The following HSF2BP variants were observed in gnomAD, a reference collection of about 807,000 sequenced individuals.
HSF2BP encodes the protein heat shock transcription factor 2 binding protein, also known as heat shock factor 2-binding protein.
A neutral mutation model predicts 35.0 loss-of-function variants in HSF2BP; 35 were observed. The observed-to-expected ratio is 1.00, with a 90% confidence interval of 0.76 to 1.32. The LOEUF (loss-of-function observed/expected upper bound fraction) is 1.32. HSF2BP is among the 40% of genes most tolerant of loss of function. The probability of loss-of-function intolerance (pLI) is 0.00; values close to 1 mark genes in which losing one functional copy is unlikely to be tolerated. For synonymous variants in HSF2BP, 114 were observed against 117.4 expected (o/e 0.97, Z 0.18); for missense variants, 326 against 321.7 (o/e 1.01, Z -0.10).
chr21:43,605,636 A>T (rs1470619329), intron 7 of HSF2BP, among the ~76,000 whole-genome samples: 1 of 149,608 alleles, frequency 6.7e-6, no homozygotes, highest in African/African-American at 2.5e-5. Context: ...CACCATGCAT[A>T]CCACACCCAC....
rs529882595 is a variant in HSF2BP, at chr21:43,615,286, A to G, written c.575-1339T>C. Among the ~76,000 whole-genome samples the G allele has an allele frequency of 3.3e-5, 5 of 152,328 alleles. 1 individual carries two copies. In the East Asian group the frequency reaches 9.6e-4, roughly 29 times the overall value. On this transcript the variant is annotated intron_variant, in intron 6 of 8. Transcript: ENST00000291560. ...TTCTAAAAATTCACAGTTAAGTGTG[A>G]TGTCTGATCTGTTTCTGGTAGATAC...
chr21:43,654,227 G>A (rs999234163), intron 3 of HSF2BP, among the ~76,000 whole-genome samples: 2 of 152,054 alleles, frequency 1.3e-5, no homozygotes, highest in East Asian at 1.9e-4. Context: ...TCCCAGACTC[G>A]CACAAATTTT....
Position 43,656,591 on chromosome 21 carries a change from T to TAGG in HSF2BP, c.182_183insCCT (p.Glu61delinsAspLeu), listed in dbSNP as rs770483652. 6.2e-7 allele frequency: 1 copy of TAGG among 1,606,064 alleles called. No individual in the cohort carries two copies. The highest frequency in any genetic ancestry group is 1.3e-5 in the African/African-American group (1 of 74,570). ...CTGCTGAAAATGAAGACTCACTTTTTTCTACAATCTTTAATTTCTGGAAGC... is the reference window on the plus strand; with the variant it reads ...CTGCTGAAAATGAAGACTCACTTTTTAGGTCTACAATCTTTAATTTCTGGAAGC... On this transcript the variant is annotated protein_altering_variant, in exon 3 of 9. Transcript: ENST00000291560.
At chr21:43,467,935 ACACACACACCACACACACCACACT>A in the HSF2BP span, among the ~76,000 whole-genome samples, 1 of 71,510 alleles carries the variant, frequency 1.4e-5, no homozygotes, top group African/African-American at 7.2e-5. Context: ...CACACACCAC[ACACACACACCACACACACCACACT>A]TACACCACAC....
At chr21:43,610,875 G>C (rs984156895) in intron 7 of HSF2BP, among the ~76,000 whole-genome samples, 3 of 152,012 alleles carry the variant, frequency 2.0e-5, no homozygotes, top group Non-Finnish European at 4.4e-5. Flanking sequence ...TGCTCACTAC[G>C]GCATTATATT....
chr21:43,604,363 A>G (rs1222133301), intron 7 of HSF2BP, among the ~76,000 whole-genome samples: 1 of 139,728 alleles, frequency 7.2e-6, no homozygotes, highest in African/African-American at 2.7e-5. Flanking sequence ...CACACACACC[A>G]CACAGCACGC....
At chr21:43,496,215 C>T in the HSF2BP span, among the ~76,000 whole-genome samples, 2 of 112,440 alleles carry the variant, frequency 1.8e-5, no homozygotes, top group Non-Finnish European at 3.9e-5. Context: ...AGCATACAAA[C>T]TCAACCTGCA....
intron 7 of HSF2BP, among the ~76,000 whole-genome samples, chr21:43,601,195 C>T (rs1437747915): frequency 6.6e-6 from 1 of 152,164 alleles, no homozygotes; most frequent in African/African-American, 2.4e-5. Context: ...TGTGCAGACA[C>T]AGCCTCCACA....
At chr21:43,628,272 C>T (rs978241207) in intron 6 of HSF2BP, among the ~76,000 whole-genome samples, 5 of 152,334 alleles carry the variant, frequency 3.3e-5, no homozygotes, top group African/African-American at 1.2e-4. Flanking sequence ...CAAGTTATGA[C>T]TGCAAATGCA....
rs144385355 is a variant in HSF2BP, at chr21:43,633,301, C to G, written c.412G>C (p.Glu138Gln). 1.2e-6 allele frequency: 2 copies of G among 1,613,084 alleles called. No individual in the cohort carries two copies. The highest frequency in any genetic ancestry group is 2.7e-5 in the African/African-American group (2 of 74,870). The change falls in exon 5 of 9, where the codon GAG becomes CAG. Residue 138 changes from glutamate (E) to glutamine (Q), a missense_variant. Coordinates refer to ENST00000291560, the MANE Select transcript of HSF2BP (RefSeq NM_007031.2). The stretch of plus-strand genomic sequence containing the variant: ...CCCAAAATGGCCTTGACGACTTCCT[C>G]ACTGCTGGAGACACCCCACAAGAGG... ...CTLLWGVSSS[E>Q]EVVKAILGGD...
At chr21:43,579,676 T>G (rs1451607740) in intron 8 of HSF2BP, among the ~76,000 whole-genome samples, 1 of 152,152 alleles carries the variant, frequency 6.6e-6, no homozygotes, top group East Asian at 1.9e-4. Flanking sequence ...TAAGCCACCC[T>G]TGTGCCTGAC....
intron 6 of HSF2BP, among the ~76,000 whole-genome samples, chr21:43,619,604 C>T (rs1172727559): frequency 6.6e-6 from 1 of 152,200 alleles, no homozygotes; most frequent in Non-Finnish European, 1.5e-5. Flanking sequence ...CAGCACCAAG[C>T]GTGAGGAAAA....
intron 3 of HSF2BP, among the ~76,000 whole-genome samples, chr21:43,655,384 G>A (rs969943209): frequency 1.3e-5 from 2 of 152,200 alleles, no homozygotes; most frequent in Non-Finnish European, 2.9e-5. Context: ...CAACCCAGAT[G>A]TTGAGACTTT....
chr21:43,577,836 A>C (rs1225078121), intron 8 of HSF2BP, among the ~76,000 whole-genome samples: 1 of 152,280 alleles, frequency 6.6e-6, no homozygotes, highest in East Asian at 1.9e-4. Flanking sequence ...TGACCTTATG[A>C]CAATACACCC....
chr21:43,635,661 A>C (rs2082541632), intron 4 of HSF2BP, among the ~76,000 whole-genome samples: 1 of 152,168 alleles, frequency 6.6e-6, no homozygotes, highest in Admixed American at 6.5e-5. Flanking sequence ...TCACACCTAC[A>C]ATCCTAGCAT....
chr21:43,603,992 C>T (rs1601650646), intron 7 of HSF2BP, among the ~76,000 whole-genome samples: 1 of 152,258 alleles, frequency 6.6e-6, no homozygotes, highest in South Asian at 2.1e-4. Context: ...AAAGAACACA[C>T]CATGAGCCAG....
At chr21:43,634,706 A>G (rs1213849245) in intron 4 of HSF2BP, among the ~76,000 whole-genome samples, 1 of 152,220 alleles carries the variant, frequency 6.6e-6, no homozygotes, top group Non-Finnish European at 1.5e-5. Flanking sequence ...CATGTATTTA[A>G]GAAAAAAATG....
At chr21:43,645,343 T>G (rs1400351315) in intron 3 of HSF2BP, among the ~76,000 whole-genome samples, 1 of 152,168 alleles carries the variant, frequency 6.6e-6, no homozygotes. Flanking sequence ...AATTTACATT[T>G]CTAACAAGTT....
chr21:43,632,918 C>T (rs953870079), intron 5 of HSF2BP, among the ~76,000 whole-genome samples: 1 of 151,880 alleles, frequency 6.6e-6, no homozygotes, highest in Non-Finnish European at 1.5e-5. Flanking sequence ...CACACATCTA[C>T]ATACATGTAT....
Sources: allele counts gnomAD v4.1 joint callset (sites outside exome capture counted in the v4.1 genomes callset), GRCh38; gene constraint gnomAD v4.1.1; transcripts MANE v1.5; gene names NCBI Gene and HGNC (gene_info 2026-07-23, HGNC 2026-07-21).